The following NLRP2 variants were observed in gnomAD, a reference collection of about 807,000 sequenced individuals.
The protein encoded by NLRP2 is NLR family pyrin domain containing 2.
In NLRP2, 107 loss-of-function variants were observed where a neutral mutation model predicts 97.2. The ratio of observed to expected loss-of-function variants is 1.10; its 90% CI spans 0.94 to 1.29. The LOEUF (loss-of-function observed/expected upper bound fraction) is 1.29. Ranked by LOEUF, NLRP2 falls within the 50% of genes most tolerant of loss-of-function variation. The probability of loss-of-function intolerance (pLI) is 0.00; values close to 1 mark genes in which losing one functional copy is unlikely to be tolerated. For missense variants in NLRP2, 1,495 were observed against 1,330.3 expected (o/e 1.12, Z -1.93); for synonymous variants, 663 against 551.5 (o/e 1.20, Z -2.83).
intron 12 of NLRP2, among the ~76,000 whole-genome samples, chr19:54,999,414 TAA>T (rs1198895607): frequency 6.6e-6 from 1 of 152,322 alleles, no homozygotes; most frequent in South Asian, 2.1e-4. Flanking sequence ...CCCAAAGTGC[TAA>T]GATTACAGGC....
At chr19:54,985,842 A>G (rs1334948204) in intron 7 of NLRP2, among the ~76,000 whole-genome samples, 1 of 152,092 alleles carries the variant, frequency 6.6e-6, no homozygotes, top group Non-Finnish European at 1.5e-5. Context: ...TACGAAAAAT[A>G]CAAAAATTTG....
chr19:54,997,603 C>A, intron 12 of NLRP2, 116 bp downstream of exon 12: 2 of 1,054,596 alleles, frequency 1.9e-6, no homozygotes, highest in Non-Finnish European at 2.9e-6. Flanking sequence ...CAGGTTCCCG[C>A]CATCACACCC....
rs1284100282 is a variant in NLRP2, at chr19:54,990,622, G to A, written c.2658G>A (p.Lys886=). Residue 886 remains lysine (K), a synonymous_variant, in exon 10 of 13, where the codon AAG becomes AAA. Coordinates refer to ENST00000448584, the MANE Select transcript of NLRP2 (RefSeq NM_017852.5). ...AKNPIGNTGV[K]FLCEGLRYPE... ...ACCCCATTGGGAATACAGGGGTGAAGTTTCTGTGTGAGGGCTTGAGGTACC... is the reference window on the plus strand; with the variant it reads ...ACCCCATTGGGAATACAGGGGTGAAATTTCTGTGTGAGGGCTTGAGGTACC... 6.2e-7 allele frequency: 1 copy of A among 1,614,190 alleles called. No individual in the cohort carries two copies. The highest frequency in any genetic ancestry group is 1.7e-5 in the Admixed American group (1 of 60,004).
At chr19:54,995,859 C>A (rs887277312) in intron 11 of NLRP2, among the ~76,000 whole-genome samples, 1 of 151,734 alleles carries the variant, frequency 6.6e-6, no homozygotes, top group African/African-American at 2.4e-5. Context: ...CTGGCCAACA[C>A]AATGAAGCCC....
chr19:54,993,130 A>T (rs2072595723), intron 10 of NLRP2: 1 of 151,304 alleles, frequency 6.6e-6, no homozygotes, highest in Non-Finnish European at 1.5e-5. Context: ...TGAGGCAGAG[A>T]ATTGCTTGAA....
chr19:54,982,647 C>T lies in NLRP2; in HGVS notation c.949C>T (p.Leu317Phe), dbSNP rs144092754. The change falls in exon 6 of 13, where the codon CTC (leucine) becomes TTC (phenylalanine). Residue 317 changes from leucine to phenylalanine, a missense_variant. Coordinates refer to ENST00000448584, the MANE Select transcript of NLRP2 (RefSeq NM_017852.5). Reference sequence around the variant, plus strand: ...GGAGAAGAAGAAGCCGGTGCCCGTCCTCCTGGGGAGTTTGCTGAACAGGGT... The same window carrying T: ...GGAGAAGAAGAAGCCGGTGCCCGTCTTCCTGGGGAGTTTGCTGAACAGGGT... ...DWEKKKPVPV[L>F]LGSLLNRVML... 152 of 1,614,030 alleles carry T rather than the reference C, an allele frequency of 9.4e-5. No individual in the cohort carries two copies. The highest frequency in any genetic ancestry group is 1.2e-4 in the Non-Finnish European group (139 of 1,180,040).
At chr19:54,998,611 C>CTTTTTTTTTTTTTTTTTTTCTTTTTT (rs375510249) in intron 12 of NLRP2, among the ~76,000 whole-genome samples, 1 of 42,198 alleles carries the variant, frequency 2.4e-5, no homozygotes, top group Non-Finnish European at 4.6e-5. Flanking sequence ...CATCTTTTTT[C>CTTTTTTTTTTTTTTTTTTTCTTTTTT]TTTTTTTTTT....
intron 3 of NLRP2, among the ~76,000 whole-genome samples, chr19:54,975,106 G>GTTTTGTT (rs2071120773): frequency 3.4e-5 from 2 of 58,674 alleles, no homozygotes; most frequent in Admixed American, 2.5e-4. Flanking sequence ...ACCCGGTTTT[G>GTTTTGTT]TTTTTTTTTT....
intron 10 of NLRP2, 129 bp from the exon 11 acceptor site, chr19:54,994,140 C>G: frequency 2.0e-6 from 2 of 1,000,576 alleles, no homozygotes; most frequent in Non-Finnish European, 3.1e-6. Context: ...CCACACCACC[C>G]CATGATTCCA....
In NLRP2 at chr19:54,973,349, T is replaced by TTTTG. The variant is rs539070635; in HGVS notation, c.281-1148_281-1147insGTTT. 2.1e-5 allele frequency among the ~76,000 whole-genome samples: 3 copies of TTTTG among 141,040 alleles called. No individual in the cohort carries two copies. The East Asian group carries it at 6.9e-4, about 32-fold the overall frequency. The allele number at this position is 141,040 out of a possible 152,430, so 92.5% of individuals were successfully genotyped here. On this transcript the variant is annotated intron_variant, in intron 2 of 12. Transcript: ENST00000448584. ...GTCTTTAACAATGGGTGAGGGTTTT[T>TTTTG]TTTTTTTTTTTTTTGGTTTGGTTTG...
chr19:54,976,056 CTT>C lies in NLRP2; in HGVS notation c.325+1522_325+1523del, dbSNP rs75652002. Among the ~76,000 whole-genome samples the C allele has an allele frequency of 2.6e-3, 390 of 148,530 alleles. 3 individuals carry two copies. Among genetic ancestry groups the C allele is most frequent in the African/African-American group, 7.3e-3 (297 of 40,500 alleles). ...GATTCACCACACCTGGCCATGAAGA[CTT>C]TTTTTTTTTGGACAAAGTCTCACTC... On this transcript the variant is annotated intron_variant, in intron 3 of 12. Coordinates refer to ENST00000448584, the MANE Select transcript of NLRP2 (RefSeq NM_017852.5).
chr19:54,970,857 C>T (rs575990995), intron 2 of NLRP2, among the ~76,000 whole-genome samples: 93 of 139,410 alleles, frequency 6.7e-4, no homozygotes, highest in Middle Eastern at 4.0e-3. Flanking sequence ...TTTTAGGGTA[C>T]ATGTGCACAT....
Position 54,983,451 on chromosome 19 carries a change from TTGC to T in NLRP2, c.1757_1759del (p.Leu586del). On this transcript the variant is annotated inframe_deletion, in exon 6 of 13. Coordinates refer to ENST00000448584, the MANE Select transcript of NLRP2 (RefSeq NM_017852.5). ...GATGTCACCGGACATCAAACAGGAATTGCTGCGATGCGACATAAGTTGTAAGGG... is the reference window on the plus strand; with the variant it reads ...GATGTCACCGGACATCAAACAGGAATTGCGATGCGACATAAGTTGTAAGGG... 1 of 1,614,158 alleles carries T rather than the reference TTGC, an allele frequency of 6.2e-7. No homozygotes were observed. The highest frequency in any genetic ancestry group is 1.1e-5 in the South Asian group (1 of 91,074).
rs922105657 is a variant in NLRP2, at chr19:54,990,640, G to C, written c.2676G>C (p.Leu892Phe). Residue 892 changes from leucine (L) to phenylalanine (F), a missense_variant, in exon 10 of 13, where the codon TTG becomes TTC. Transcript: ENST00000448584. Reference sequence around the variant, plus strand: ...GGGTGAAGTTTCTGTGTGAGGGCTTGAGGTACCCCGAGTGTAAACTGCAGA... The same window carrying C: ...GGGTGAAGTTTCTGTGTGAGGGCTTCAGGTACCCCGAGTGTAAACTGCAGA... Reference protein sequence around the residue: ...NTGVKFLCEGLRYPECKLQTL... With the variant: ...NTGVKFLCEGFRYPECKLQTL... 6.2e-7 allele frequency: 1 copy of C among 1,614,174 alleles called. No homozygotes were observed. Among genetic ancestry groups the C allele is most frequent in the Non-Finnish European group, 8.5e-7 (1 of 1,180,036 alleles).
chr19:54,982,038 A>G (rs2071607794), intron 5 of NLRP2, 124 bp from the exon 6 acceptor site: 3 of 1,259,810 alleles, frequency 2.4e-6, no homozygotes, highest in Non-Finnish European at 3.4e-6. Flanking sequence ...TCGACCTCCC[A>G]AAGGGCTGGG....
chr19:54,976,601 C>A (rs2071242945), intron 3 of NLRP2, among the ~76,000 whole-genome samples: 1 of 152,008 alleles, frequency 6.6e-6, no homozygotes, highest in Admixed American at 6.6e-5. Context: ...TCTGCCTCAG[C>A]CTCACAAAGT....
chr19:54,972,688 G>A (rs1275584367), intron 2 of NLRP2, among the ~76,000 whole-genome samples: 2 of 151,708 alleles, frequency 1.3e-5, no homozygotes, highest in African/African-American at 2.4e-5. Context: ...AACTTCTGTG[G>A]GCTCAACCGA....
chr19:54,981,634 G>A lies in NLRP2; in HGVS notation c.415G>A (p.Gly139Arg), dbSNP rs2071582363. Residue 139 changes from glycine (G) to arginine (R), a missense_variant, in exon 5 of 13, where the codon GGA (glycine) becomes AGA (arginine). Coordinates refer to ENST00000448584, the MANE Select transcript of NLRP2 (RefSeq NM_017852.5). ...TEAQAFTETK[G>R]NVICLGKEVF... Reference sequence around the variant, plus strand: ...TTTTGTAGCGTTTACAGAAACGAAAGGAAATGTCATCTGCCTGGGTAAAGA... The same window carrying A: ...TTTTGTAGCGTTTACAGAAACGAAAAGAAATGTCATCTGCCTGGGTAAAGA... 6.3e-7 allele frequency: 1 copy of A among 1,585,758 alleles called. No homozygotes were observed. Among genetic ancestry groups the A allele is most frequent in the African/African-American group, 1.4e-5 (1 of 73,714 alleles).
intron 2 of NLRP2, among the ~76,000 whole-genome samples, chr19:54,971,995 ATTTTTTT>A (rs61335843): frequency 0.068 from 7,923 of 116,488 alleles, 272 homozygotes; most frequent in African/African-American, 0.12. Context: ...TGCCTGGCTG[ATTTTTTT>A]TTTTTTTTTT....
Sources: allele counts gnomAD v4.1 joint callset (sites outside exome capture counted in the v4.1 genomes callset), GRCh38; gene constraint gnomAD v4.1.1; transcripts MANE v1.5; gene names NCBI Gene and HGNC (gene_info 2026-07-23, HGNC 2026-07-21).